PPP2R2C: variants seen among roughly 807,000 people sequenced by gnomAD.
PPP2R2C encodes protein phosphatase 2, regulatory subunit B, gamma.
A neutral mutation model predicts 45.3 loss-of-function variants in PPP2R2C; 10 were observed. The observed-to-expected ratio is 0.22, with a 90% confidence interval of 0.14 to 0.37. The LOEUF (loss-of-function observed/expected upper bound fraction) is 0.37. Among genes scored for constraint, PPP2R2C ranks in the 10% least tolerant of loss-of-function variants. The pLI, the probability that PPP2R2C is intolerant of heterozygous loss-of-function variation, is 1.00. For missense variants in PPP2R2C, 308 were observed against 619.7 expected (o/e 0.50, Z 5.34); for synonymous variants, 257 against 245.4 (o/e 1.05, Z -0.44).
chr4:6,398,031 AG>A (rs1337028305), intron 1 of PPP2R2C, among the ~76,000 whole-genome samples: 1 of 152,226 alleles, frequency 6.6e-6, no homozygotes, highest in Non-Finnish European at 1.5e-5. Flanking sequence ...AAAGGCACTC[AG>A]GTGATTCCAC....
chr4:6,390,682 G>T (rs561628848), intron 1 of PPP2R2C, among the ~76,000 whole-genome samples: 138 of 152,290 alleles, frequency 9.1e-4, no homozygotes, highest in African/African-American at 3.2e-3. Flanking sequence ...ACCTCATTCC[G>T]GGCCAGGGAA....
intron 1 of PPP2R2C, among the ~76,000 whole-genome samples, chr4:6,555,987 C>T (rs909561715): frequency 6.6e-6 from 1 of 152,064 alleles, no homozygotes; most frequent in Admixed American, 6.6e-5. Context: ...GTGTGTGAGC[C>T]CAAGAGTGAG....
At chr4:6,386,871 C>G (rs1716252748) in intron 1 of PPP2R2C, among the ~76,000 whole-genome samples, 1 of 152,016 alleles carries the variant, frequency 6.6e-6, no homozygotes, top group Admixed American at 6.5e-5. Context: ...AAGAATAAAT[C>G]TCAGCAGAGA....
chr4:6,465,225 G>C (rs559830176), intron 1 of PPP2R2C, among the ~76,000 whole-genome samples: 12 of 152,188 alleles, frequency 7.9e-5, no homozygotes, highest in Admixed American at 7.2e-4. Flanking sequence ...CCCACCCCTT[G>C]GTCCTGCGGG....
intron 6 of PPP2R2C, among the ~76,000 whole-genome samples, chr4:6,342,479 T>C: frequency 6.6e-6 from 1 of 152,170 alleles, no homozygotes; most frequent in African/African-American, 2.4e-5. Flanking sequence ...TTGCACTAGG[T>C]GTGCAAAGAA....
At chr4:6,419,373 C>A (rs1427446331) in intron 1 of PPP2R2C, among the ~76,000 whole-genome samples, 1 of 151,998 alleles carries the variant, frequency 6.6e-6, no homozygotes, top group Non-Finnish European at 1.5e-5. Flanking sequence ...TTGCAGTGAG[C>A]TGAGATGGTG....
chr4:6,406,097 CG>C (rs1437321583), intron 1 of PPP2R2C, among the ~76,000 whole-genome samples: 2 of 152,150 alleles, frequency 1.3e-5, no homozygotes, highest in Non-Finnish European at 2.9e-5. Context: ...TCACCCTATT[CG>C]GAGCACGTTA....
At chr4:6,498,452 G>T (rs1722940721) in intron 2 of PPP2R2C, among the ~76,000 whole-genome samples, 1 of 152,190 alleles carries the variant, frequency 6.6e-6, no homozygotes, top group Non-Finnish European at 1.5e-5. Flanking sequence ...CTACACAAAT[G>T]ATGATACAGT....
At chr4:6,484,658 T>C (rs1359722413) in intron 2 of PPP2R2C, among the ~76,000 whole-genome samples, 1 of 151,922 alleles carries the variant, frequency 6.6e-6, no homozygotes, top group Non-Finnish European at 1.5e-5. Context: ...CTTTAATTTC[T>C]ATCATCAGTG....
intron 1 of PPP2R2C, among the ~76,000 whole-genome samples, chr4:6,461,280 T>C (rs1721307148): frequency 6.6e-6 from 1 of 152,072 alleles, no homozygotes; most frequent in Admixed American, 6.5e-5. Context: ...GGATTCTTAG[T>C]AGGGTTTTTT....
chr4:6,356,495 C>T (rs1713203647), intron 5 of PPP2R2C, among the ~76,000 whole-genome samples: 1 of 152,226 alleles, frequency 6.6e-6, no homozygotes, highest in Admixed American at 6.5e-5. Context: ...TGCCCCCTGA[C>T]CATCTGGGGG....
At chr4:6,479,788 G>A (rs1303607741) in intron 2 of PPP2R2C, among the ~76,000 whole-genome samples, 3 of 150,070 alleles carry the variant, frequency 2.0e-5, no homozygotes, top group African/African-American at 7.4e-5. Flanking sequence ...GGACTAAAAT[G>A]TATTATTACA....
At chr4:6,485,864 A>T (rs1363452557) in intron 2 of PPP2R2C, among the ~76,000 whole-genome samples, 1 of 151,662 alleles carries the variant, frequency 6.6e-6, no homozygotes, top group Non-Finnish European at 1.5e-5. Flanking sequence ...TATTTTCTCT[A>T]TTGTTTTTAT....
Position 6,333,543 on chromosome 4 carries a change from C to T in PPP2R2C, c.960+19G>A. On this transcript the variant is annotated intron_variant, in intron 7 of 8. Transcript: ENST00000382599. ...GGAAAAAAGACCCGGGATTGGGGGT[C>T]TCCTGCTGTGGTGCCCACCTGGTAG... is the stretch of plus-strand genomic sequence containing the variant. The T allele has an allele frequency of 3.7e-6, 6 of 1,609,630 alleles. No individual in the cohort carries two copies. The highest frequency in any genetic ancestry group is 5.1e-6 in the Non-Finnish European group (6 of 1,176,790).
chr4:6,349,616 G>A lies in PPP2R2C; in HGVS notation c.626-1606C>T, dbSNP rs919181963. Reference sequence around the variant, plus strand: ...AGCACTTTGGGAGGCCGAGGCGGGCGGATCACGAGGTCAGGAGATCGAGAC... The same window carrying A: ...AGCACTTTGGGAGGCCGAGGCGGGCAGATCACGAGGTCAGGAGATCGAGAC... On this transcript the variant is annotated intron_variant, in intron 5 of 8. Coordinates refer to ENST00000382599, the MANE Select transcript of PPP2R2C (RefSeq NM_020416.4). 22 of 975,512 alleles carry A rather than the reference G, an allele frequency of 2.3e-5. No homozygotes were observed. The South Asian group carries it at 2.4e-4, about 10-fold the overall frequency. The allele number at this position is 975,512 out of a possible 1,614,324, so 60.4% of individuals were successfully genotyped here. A position where few individuals can be genotyped will look rare whatever the true frequency, so the allele number is the denominator to read the frequency against.
At chr4:6,444,126 C>A (rs1387010708) in intron 1 of PPP2R2C, among the ~76,000 whole-genome samples, 2 of 152,170 alleles carry the variant, frequency 1.3e-5, no homozygotes, top group Non-Finnish European at 2.9e-5. Flanking sequence ...AACGCTATGG[C>A]CCACCCAGGA....
Position 6,531,029 on chromosome 4 carries a change from C to T in PPP2R2C, c.49+4242G>A, listed in dbSNP as rs534673669. The stretch of plus-strand genomic sequence containing the variant: ...GAGGGGAGGAGCCCGCTCTGAGTGA[C>T]AGGGACCACAGAGCCAGCTTGGCAT... On this transcript the variant is annotated intron_variant, in intron 2 of 9. Transcript: ENST00000506140. Among the ~76,000 whole-genome samples the T allele has an allele frequency of 2.6e-3, 394 of 152,334 alleles. 3 individuals carry two copies. Among genetic ancestry groups the T allele is most frequent in the Non-Finnish European group, 4.7e-3 (317 of 68,036 alleles).
chr4:6,531,168 G>A lies in PPP2R2C; in HGVS notation c.49+4103C>T, dbSNP rs185917034. ...TGTCACCAAGGAGGCTTCCCACCCT[G>A]AGACAGCCGGCACCGCTCTCCAGGG... On this transcript the variant is annotated intron_variant, in intron 2 of 9. Transcript: ENST00000506140. Among the ~76,000 whole-genome samples, 1,050 of 152,322 alleles carry A rather than the reference G, an allele frequency of 6.9e-3. 8 individuals carry two copies. The highest frequency in any genetic ancestry group is 0.023 in the African/African-American group (975 of 41,562).
chr4:6,473,971 T>C (rs1577210201), upstream of PPP2R2C, among the ~76,000 whole-genome samples: 1 of 152,192 alleles, frequency 6.6e-6, no homozygotes, highest in African/African-American at 2.4e-5. Flanking sequence ...AGCACCTGCT[T>C]TGGCAAGTGC....
Sources: allele counts gnomAD v4.1 joint callset (sites outside exome capture counted in the v4.1 genomes callset), GRCh38; gene constraint gnomAD v4.1.1; transcripts MANE v1.5; gene names NCBI Gene and HGNC (gene_info 2026-07-23, HGNC 2026-07-21).